PDCD10: variants seen among roughly 807,000 people sequenced by gnomAD.
PDCD10 encodes the protein programmed cell death 10.
PDCD10 carries 4 observed loss-of-function variants against 29.2 expected under a neutral mutation model. The ratio of observed to expected loss-of-function variants is 0.14; its 90% CI spans 0.07 to 0.31. PDCD10 has a LOEUF of 0.31. Ranked by LOEUF, PDCD10 falls within the 10% of genes least tolerant of loss-of-function variation. The pLI is 1.00. For synonymous variants in PDCD10, 70 were observed against 82.2 expected (o/e 0.85, Z 0.80); for missense variants, 183 against 257.9 (o/e 0.71, Z 1.99).
At chr3:167,689,476 G>T (rs1000897504) in intron 6 of PDCD10, among the ~76,000 whole-genome samples, 1 of 152,078 alleles carries the variant, frequency 6.6e-6, no homozygotes, top group Non-Finnish European at 1.5e-5. Flanking sequence ...GTGTTTCCGG[G>T]GCTAGTCATC....
intron 2 of PDCD10, among the ~76,000 whole-genome samples, chr3:167,732,347 A>G (rs193299642): frequency 3.8e-4 from 58 of 152,298 alleles, no homozygotes; most frequent in Non-Finnish European, 7.1e-4. Flanking sequence ...GATGTATAAT[A>G]TACGGAAGAC....
chr3:167,717,015 A>C (rs1723095009), intron 3 of PDCD10, among the ~76,000 whole-genome samples: 1 of 152,024 alleles, frequency 6.6e-6, no homozygotes, highest in African/African-American at 2.4e-5. Context: ...ACATGAAATT[A>C]GGTTTCCAGA....
At chr3:167,717,389 G>A (rs1283803141) in intron 3 of PDCD10, among the ~76,000 whole-genome samples, 6 of 151,984 alleles carry the variant, frequency 3.9e-5, no homozygotes, top group Non-Finnish European at 7.4e-5. Flanking sequence ...AAGATTTAGT[G>A]AATCATTTAG....
intron 4 of PDCD10, among the ~76,000 whole-genome samples, chr3:167,703,619 A>C (rs1721667560): frequency 6.6e-6 from 1 of 152,128 alleles, no homozygotes; most frequent in Non-Finnish European, 1.5e-5. Context: ...TGAGCTACTG[A>C]TGGGAAGGAA....
At position 167,687,619 on chromosome 3, in the gene PDCD10, C is replaced by A; in HGVS notation, c.470G>T (p.Arg157Leu). ...CAAGGCTTCTACTAAACGTACCCTG[C>A]GGTTCTGGTATTGATATTTCTTGAA... ...NVFKKYQYQN[R>L]RALEHQKKEF... Residue 157 changes from arginine to leucine, a missense_variant, in exon 7 of 9, where the codon CGC becomes CTC. By Grantham distance (102) the Arg-to-Leu change is moderately radical. Coordinates refer to ENST00000392750, the MANE Select transcript of PDCD10 (RefSeq NM_007217.4). 1 of 1,578,110 alleles carries A rather than the reference C, an allele frequency of 6.3e-7. No homozygotes were observed. The highest frequency in any genetic ancestry group is 8.7e-7 in the Non-Finnish European group (1 of 1,147,582).
intron 2 of PDCD10, among the ~76,000 whole-genome samples, chr3:167,722,785 C>CA (rs563146469): frequency 2.3e-3 from 349 of 152,330 alleles, no homozygotes; most frequent in African/African-American, 7.9e-3. Context: ...TGGCCAGAGT[C>CA]ACTTTCAGAA....
chr3:167,695,410 C>T (rs1321761065), intron 6 of PDCD10, among the ~76,000 whole-genome samples, 186 bp downstream of exon 6: 1 of 152,140 alleles, frequency 6.6e-6, no homozygotes, highest in East Asian at 1.9e-4. Context: ...TAAAATTAAA[C>T]ATTCTAAAAA....
chr3:167,687,885 C>T (rs1719793156), intron 6 of PDCD10, among the ~76,000 whole-genome samples, 192 bp from the exon 7 acceptor site: 1 of 152,144 alleles, frequency 6.6e-6, no homozygotes, highest in African/African-American at 2.4e-5. Flanking sequence ...GGATTTTAGC[C>T]TATACCCCTC....
rs764818712 is a variant in PDCD10, at chr3:167,695,759, ACT to A, written c.269-39_269-38del. On this transcript the variant is annotated intron_variant, in intron 5 of 8. Transcript: ENST00000392750. Reference sequence around the variant, plus strand: ...AATACATAATAAAAAACATCCTGCGACTCTCTGCCAAATTCATCACATCTAAG... The same window carrying A: ...AATACATAATAAAAAACATCCTGCGACTCTGCCAAATTCATCACATCTAAG... 3.0e-5 allele frequency: 48 copies of A among 1,603,408 alleles called. 1 individual carries two copies. The Middle Eastern group carries it at 1.3e-3, about 44-fold the overall frequency.
chr3:167,703,777 A>G lies in PDCD10; in HGVS notation c.150+1065T>C, dbSNP rs185145266. 2.3e-3 allele frequency among the ~76,000 whole-genome samples: 346 copies of G among 152,328 alleles called. 2 individuals carry two copies. The highest frequency in any genetic ancestry group is 7.8e-3 in the African/African-American group (323 of 41,572). Reference sequence around the variant, plus strand: ...CAACAGAAATGTAATATCAGCAACAACTATGAGCTACCTATGTAATATTAA... The same window carrying G: ...CAACAGAAATGTAATATCAGCAACAGCTATGAGCTACCTATGTAATATTAA... On this transcript the variant is annotated intron_variant, in intron 4 of 8. Coordinates refer to ENST00000392750, the MANE Select transcript of PDCD10 (RefSeq NM_007217.4).
intron 8 of PDCD10, 95 bp from the exon 9 acceptor site, chr3:167,684,484 GA>G (rs762387951): frequency 0.021 from 10,352 of 495,682 alleles, 1 homozygote; most frequent in Non-Finnish European, 0.024. Context: ...ATCAATTTTA[GA>G]AAAAAAAAAA....
At chr3:167,725,782 T>G (rs1310105318) in intron 2 of PDCD10, among the ~76,000 whole-genome samples, 2 of 103,888 alleles carry the variant, frequency 1.9e-5, no homozygotes, top group African/African-American at 9.2e-5. Flanking sequence ...TATATATATA[T>G]ATATATATAT....
At chr3:167,730,344 T>A (rs1164700534) in intron 2 of PDCD10, among the ~76,000 whole-genome samples, 6 of 152,150 alleles carry the variant, frequency 3.9e-5, no homozygotes, top group African/African-American at 1.2e-4. Context: ...ATGGAAAAAA[T>A]TACTTATCAT....
At chr3:167,718,446 G>A (rs926361207) in intron 3 of PDCD10, among the ~76,000 whole-genome samples, 4 of 152,030 alleles carry the variant, frequency 2.6e-5, no homozygotes, top group African/African-American at 9.7e-5. Context: ...CTGCCAAAGA[G>A]GGACATAACC....
chr3:167,716,049 A>C (rs1462816104), intron 3 of PDCD10, among the ~76,000 whole-genome samples: 1,989 of 152,128 alleles, frequency 0.013, 39 homozygotes, highest in African/African-American at 0.046. Context: ...GAACAGATAA[A>C]ATGTGGTACA....
At chr3:167,691,742 T>C (rs1385367374) in intron 6 of PDCD10, among the ~76,000 whole-genome samples, 1 of 152,224 alleles carries the variant, frequency 6.6e-6, no homozygotes, top group African/African-American at 2.4e-5. Context: ...GAAACTCTAT[T>C]TTTCAATCTC....
At chr3:167,730,884 T>C (rs947643918) in intron 2 of PDCD10, 9 of 152,132 alleles carry the variant, frequency 5.9e-5, no homozygotes, top group Admixed American at 4.6e-4. Flanking sequence ...ATAAGTTCCT[T>C]TGAAACAAAA....
Position 167,689,640 on chromosome 3 carries a change from G to C in PDCD10, c.396-1947C>G, listed in dbSNP as rs555007563. On this transcript the variant is annotated intron_variant, in intron 6 of 8. Transcript: ENST00000392750. ...CTGGACAAAAAAAGAAAGACCTGCTGATAAATACTGGAAATCTCTATTTTA... is the reference window on the plus strand; with the variant it reads ...CTGGACAAAAAAAGAAAGACCTGCTCATAAATACTGGAAATCTCTATTTTA... 7.9e-5 allele frequency among the ~76,000 whole-genome samples: 12 copies of C among 151,878 alleles called. No homozygotes were observed. In the South Asian group the frequency reaches 1.9e-3, roughly 24 times the overall value.
chr3:167,712,600 G>C (rs1435909412), intron 3 of PDCD10, among the ~76,000 whole-genome samples: 1 of 151,986 alleles, frequency 6.6e-6, no homozygotes, highest in Non-Finnish European at 1.5e-5. Flanking sequence ...CAAAATGGCA[G>C]AGGTAAGTCC....
Sources: allele counts gnomAD v4.1 joint callset (sites outside exome capture counted in the v4.1 genomes callset), GRCh38; gene constraint gnomAD v4.1.1; transcripts MANE v1.5; gene names NCBI Gene and HGNC (gene_info 2026-07-23, HGNC 2026-07-21).